GFRA1: variants seen among roughly 807,000 people sequenced by gnomAD.
GFRA1 encodes GDNF family receptor alpha 1.
GFRA1 carries 16 observed loss-of-function variants against 51.6 expected under a neutral mutation model. The observed-to-expected ratio is 0.31, with a 90% CI of 0.21 to 0.47. The LOEUF (loss-of-function observed/expected upper bound fraction) is 0.47, where lower values mean the gene tolerates loss of function less well. GFRA1 is among the 20% of genes least tolerant of loss of function. GFRA1 has a pLI of 1.00. For synonymous variants in GFRA1, 270 were observed against 241.3 expected (o/e 1.12, Z -1.10); for missense variants, 530 against 594.3 (o/e 0.89, Z 1.13).
chr10:116,078,664 T>C (rs1313641888), intron 9 of GFRA1, among the ~76,000 whole-genome samples: 1 of 152,146 alleles, frequency 6.6e-6, no homozygotes, highest in Non-Finnish European at 1.5e-5. Flanking sequence ...ACGCTGGGTA[T>C]AGCCAAGGTT....
chr10:116,158,311 T>C (rs970395034), intron 5 of GFRA1, among the ~76,000 whole-genome samples: 3 of 152,186 alleles, frequency 2.0e-5, no homozygotes, highest in South Asian at 4.1e-4. Context: ...AGAGAAAATA[T>C]ACAACTATAA....
intron 5 of GFRA1, among the ~76,000 whole-genome samples, chr10:116,210,723 A>T (rs1209421971): frequency 6.6e-6 from 1 of 152,196 alleles, no homozygotes; most frequent in Non-Finnish European, 1.5e-5. Context: ...CCAAGCCTGT[A>T]AGATTATTTG....
At chr10:116,136,068 G>T (rs965260944) in intron 5 of GFRA1, among the ~76,000 whole-genome samples, 28 of 152,126 alleles carry the variant, frequency 1.8e-4, no homozygotes, top group Non-Finnish European at 4.4e-5. Flanking sequence ...TTCTAAAAGT[G>T]AAATCTTTTA....
intron 6 of GFRA1, among the ~76,000 whole-genome samples, chr10:116,109,554 G>T (rs1486311687): frequency 6.6e-6 from 1 of 152,214 alleles, no homozygotes; most frequent in African/African-American, 2.4e-5. Flanking sequence ...TTGCCTCTCT[G>T]GGCACCCCTT....
At chr10:116,112,354 T>C (rs1957245611) in intron 6 of GFRA1, among the ~76,000 whole-genome samples, 2 of 152,166 alleles carry the variant, frequency 1.3e-5, no homozygotes, top group Non-Finnish European at 2.9e-5. Context: ...CTTGCCGGCT[T>C]TTCCGATTCT....
intron 5 of GFRA1, among the ~76,000 whole-genome samples, chr10:116,154,282 G>A (rs1959165038): frequency 6.6e-6 from 1 of 152,188 alleles, no homozygotes; most frequent in Non-Finnish European, 1.5e-5. Flanking sequence ...AATTTTCATT[G>A]CTGCTTGATT....
Position 116,148,291 on chromosome 10 carries a change from CTAGCTAA to C in GFRA1, c.434-22741_434-22735del, listed in dbSNP as rs967901652. Among the ~76,000 whole-genome samples, 8 of 152,214 alleles carry C rather than the reference CTAGCTAA, an allele frequency of 5.3e-5. 1 individual carries two copies. Among genetic ancestry groups the C allele is most frequent in the East Asian group, 1.9e-4 (1 of 5,166 alleles). On this transcript the variant is annotated intron_variant, in intron 5 of 10. Coordinates refer to ENST00000355422, the MANE Select transcript of GFRA1 (RefSeq NM_005264.8). ...TTTAAAGGTGAGGCACAGCAGTTAG[CTAGCTAA>C]TAGCAGAGTCAGGAGAAGAACCCAG...
In GFRA1 at chr10:116,254,508, TA is replaced by T. The variant is rs11447649; in HGVS notation, c.418+14994del. Among the ~76,000 whole-genome samples, 342 of 145,660 alleles carry T rather than the reference TA, an allele frequency of 2.3e-3. 1 individual carries two copies. The highest frequency in any genetic ancestry group is 7.3e-3 in the African/African-American group (289 of 39,776). On this transcript the variant is annotated intron_variant, in intron 4 of 10. Coordinates refer to ENST00000355422, the MANE Select transcript of GFRA1 (RefSeq NM_005264.8). ...CAGCAGAGTGAGACCCTGACTCTAT[TA>T]AAAAAAAAAAGAAGAAGAAAAAAAG...
At chr10:116,083,476 TATTG>T (rs1037523697) in intron 9 of GFRA1, among the ~76,000 whole-genome samples, 2 of 152,236 alleles carry the variant, frequency 1.3e-5, no homozygotes, top group African/African-American at 4.8e-5. Context: ...ACATTTAGAA[TATTG>T]ATTAAGTGCT....
intron 9 of GFRA1, among the ~76,000 whole-genome samples, chr10:116,076,185 T>G (rs1488204443): frequency 2.6e-5 from 4 of 152,138 alleles, no homozygotes; most frequent in Non-Finnish European, 4.4e-5. Flanking sequence ...AACATAGTAC[T>G]GGGGTGTTCT....
At chr10:116,229,591 C>T (rs1966553184) in intron 4 of GFRA1, among the ~76,000 whole-genome samples, 1 of 152,168 alleles carries the variant, frequency 6.6e-6, no homozygotes, top group Non-Finnish European at 1.5e-5. Context: ...CCCACCCCTC[C>T]TTAGGAGCTG....
At chr10:116,246,797 G>A (rs1354005591) in intron 4 of GFRA1, among the ~76,000 whole-genome samples, 1 of 152,134 alleles carries the variant, frequency 6.6e-6, no homozygotes, top group Admixed American at 6.5e-5. Context: ...TATGGTATGT[G>A]AATTATATCT....
Position 116,234,860 on chromosome 10 carries a change from G to C in GFRA1, c.419-23215C>G, listed in dbSNP as rs1178639071. Among the ~76,000 whole-genome samples, 7 of 152,120 alleles carry C rather than the reference G, an allele frequency of 4.6e-5. No individual in the cohort carries two copies. The East Asian group carries it at 1.4e-3, about 29-fold the overall frequency. On this transcript the variant is annotated intron_variant, in intron 4 of 10. Coordinates refer to ENST00000355422, the MANE Select transcript of GFRA1 (RefSeq NM_005264.8). ...CCCGATGGGAGGTAATTTAATCATGGGTGGGGGGGTTCCCTCATGCTATTC... is the reference window on the plus strand; with the variant it reads ...CCCGATGGGAGGTAATTTAATCATGCGTGGGGGGGTTCCCTCATGCTATTC...
At chr10:116,168,050 T>C (rs575054363) in intron 5 of GFRA1, among the ~76,000 whole-genome samples, 11 of 152,046 alleles carry the variant, frequency 7.2e-5, no homozygotes, top group South Asian at 2.1e-4. Flanking sequence ...TGCTATAAAA[T>C]TCATCAATGC....
intron 9 of GFRA1, among the ~76,000 whole-genome samples, chr10:116,073,511 A>G (rs1270035553): frequency 6.6e-6 from 1 of 152,258 alleles, no homozygotes; most frequent in Non-Finnish European, 1.5e-5. Flanking sequence ...ATAATGACAA[A>G]AATGTGTGAA....
At chr10:116,130,955 C>T (rs1193040228) in intron 5 of GFRA1, among the ~76,000 whole-genome samples, 1 of 152,060 alleles carries the variant, frequency 6.6e-6, no homozygotes, top group African/African-American at 2.4e-5. Flanking sequence ...CTTCTGGTCA[C>T]AAAAGACACT....
At chr10:116,067,996 G>A (rs1337784434) in intron 9 of GFRA1, among the ~76,000 whole-genome samples, 1 of 152,182 alleles carries the variant, frequency 6.6e-6, no homozygotes, top group Non-Finnish European at 1.5e-5. Flanking sequence ...CCTTGTCTCC[G>A]TGTAGTCCCA....
intron 6 of GFRA1, among the ~76,000 whole-genome samples, chr10:116,097,055 A>G (rs1200347592): frequency 2.6e-5 from 4 of 152,102 alleles, no homozygotes; most frequent in Non-Finnish European, 5.9e-5. Flanking sequence ...AGGAATCTAG[A>G]GGCTTTGAAG....
At chr10:116,086,903 C>T (rs892349357) in intron 9 of GFRA1, among the ~76,000 whole-genome samples, 1 of 152,178 alleles carries the variant, frequency 6.6e-6, no homozygotes, top group African/African-American at 2.4e-5. Context: ...CTGCAACCTC[C>T]GCCTCCAGGG....
Sources: gnomAD v4.1 joint callset for allele counts (sites outside exome capture counted in the v4.1 genomes callset) on GRCh38, gnomAD v4.1.1 for gene constraint, MANE v1.5 for transcripts, NCBI Gene and HGNC (gene_info 2026-07-23, HGNC 2026-07-21) for gene names.